The following ISM2 variants were observed in gnomAD, a reference collection of about 807,000 sequenced individuals.
The protein encoded by ISM2 is isthmin-2.
A neutral mutation model predicts 58.0 loss-of-function variants in ISM2; 50 were observed. The ratio of observed to expected loss-of-function variants is 0.86; its 90% CI spans 0.69 to 1.09. ISM2 has a LOEUF of 1.09. ISM2 is among the 50% of genes least tolerant of loss of function. ISM2 has a pLI of 0.00. For synonymous variants in ISM2, 303 were observed against 312.4 expected (o/e 0.97, Z 0.32); for missense variants, 723 against 745.0 (o/e 0.97, Z 0.34).
At chr14:77,481,435 T>C (rs1211915170) in intron 4 of ISM2, among the ~76,000 whole-genome samples, 1 of 152,174 alleles carries the variant, frequency 6.6e-6, no homozygotes, top group African/African-American at 2.4e-5. Context: ...TGTCTTTTTC[T>C]AACAAAAATA....
chr14:77,485,492 G>T (rs2079162382), intron 1 of ISM2, among the ~76,000 whole-genome samples: 2 of 152,258 alleles, frequency 1.3e-5, no homozygotes, highest in Non-Finnish European at 2.9e-5. Flanking sequence ...TGCTGGCATG[G>T]CTGACTCAGC....
intron 1 of ISM2, among the ~76,000 whole-genome samples, chr14:77,497,642 T>C (rs2079252292): frequency 6.8e-6 from 1 of 146,744 alleles, no homozygotes; most frequent in South Asian, 2.2e-4. Context: ...TACAGTGAGC[T>C]ATCATCACAC....
chr14:77,485,755 A>T (rs1348410683), intron 1 of ISM2, among the ~76,000 whole-genome samples: 1 of 152,102 alleles, frequency 6.6e-6, no homozygotes, highest in Non-Finnish European at 1.5e-5. Flanking sequence ...GGGACCTGCC[A>T]CCTGTGGACC....
At chr14:77,488,609 C>G (rs1406705875) in intron 1 of ISM2, among the ~76,000 whole-genome samples, 1 of 152,200 alleles carries the variant, frequency 6.6e-6, no homozygotes, top group African/African-American at 2.4e-5. Flanking sequence ...GTTCCTTCCT[C>G]TGTAATTTAG....
Position 77,475,504 on chromosome 14 carries a change from G to T in ISM2, c.*91C>A, listed in dbSNP as rs1594944358. On this transcript the variant is annotated 3_prime_UTR_variant, in exon 7 of 7. Coordinates refer to ENST00000342219, the MANE Select transcript of ISM2 (RefSeq NM_199296.3). This position sits in a 1 kb window ranked among gnomAD's most constrained non-coding sequence, Gnocchi z 4.1. Reference sequence around the variant, plus strand: ...ACTGGGGGAGCCCTTTCCTCACCCTGTCTGGGCAGGGGCGGGTGAGGAAAG... The same window carrying T: ...ACTGGGGGAGCCCTTTCCTCACCCTTTCTGGGCAGGGGCGGGTGAGGAAAG... The T allele has an allele frequency of 7.0e-7, 1 of 1,419,496 alleles. No homozygotes were observed. The highest frequency in any genetic ancestry group is 9.5e-7 in the Non-Finnish European group (1 of 1,054,172). 87.9% of individuals were successfully genotyped at this position (1,419,496 alleles called of 1,614,324 possible). A position where few individuals can be genotyped will look rare whatever the true frequency, so the allele number is the denominator to read the frequency against.
At chr14:77,496,087 C>T (rs1422191825) in intron 1 of ISM2, among the ~76,000 whole-genome samples, 1 of 150,110 alleles carries the variant, frequency 6.7e-6, no homozygotes, top group African/African-American at 2.5e-5. Context: ...TGGTGGCAGG[C>T]ATCTGTAATC....
rs139393604 is a variant in ISM2 at position 77,482,355 on chromosome 14, C to A, written c.940G>T (p.Gly314Trp). ...DNWDQGWLAP[G>W]DWVFKDSVSY... is the part of the protein sequence containing the mutation. The stretch of plus-strand genomic sequence containing the variant: ...ACAGAATCCTTGAAGACCCAATCCC[C>A]GGGGGCCAGCCAGCCCTGGTCCCAG... Residue 314 changes from glycine (G) to tryptophan (W), a missense_variant, in exon 4 of 7, where the codon GGG becomes TGG. Transcript: ENST00000342219. The A allele has an allele frequency of 6.2e-7, 1 of 1,613,794 alleles. No homozygotes were observed. The highest frequency in any genetic ancestry group is 1.1e-5 in the South Asian group (1 of 91,034).
intron 1 of ISM2, among the ~76,000 whole-genome samples, chr14:77,495,719 G>A (rs1303555616): frequency 1.3e-5 from 2 of 152,100 alleles, no homozygotes; most frequent in Non-Finnish European, 2.9e-5. Flanking sequence ...TGAAGCATAA[G>A]ACAACAGCCC....
At chr14:77,480,955 A>G (rs10129969) in intron 4 of ISM2, among the ~76,000 whole-genome samples, 16,917 of 152,204 alleles carry the variant, frequency 0.11, 1,167 homozygotes, top group African/African-American at 0.2. Flanking sequence ...TCCATTGACA[A>G]GACACCAGGG....
Position 77,484,661 on chromosome 14 carries a change from C to T in ISM2, c.384+16G>A, listed in dbSNP as rs1333306345. 1.9e-6 allele frequency: 3 copies of T among 1,611,506 alleles called. No individual in the cohort carries two copies. The highest frequency in any genetic ancestry group is 3.3e-5 in the Admixed American group (2 of 59,716). ...CAGGCAGAGCCAGGAGCTGCTGGCC[C>T]TTCTGTAGCTCTCACCTGGGTATCA... is the stretch of plus-strand genomic sequence containing the variant. On this transcript the variant is annotated intron_variant, in intron 2 of 6. Coordinates refer to ENST00000342219, the MANE Select transcript of ISM2 (RefSeq NM_199296.3).
chr14:77,488,510 T>C (rs73319053), intron 1 of ISM2, among the ~76,000 whole-genome samples: 9,100 of 152,244 alleles, frequency 0.06, 299 homozygotes, highest in African/African-American at 0.086. Context: ...GGAAATGAGT[T>C]CAGGCTGGAG....
intron 1 of ISM2, among the ~76,000 whole-genome samples, chr14:77,495,559 G>A (rs1010975491): frequency 3.3e-5 from 5 of 152,304 alleles, no homozygotes; most frequent in Admixed American, 6.5e-5. Flanking sequence ...ACTGGCGAGA[G>A]GCCTCATCTG....
Position 77,484,779 on chromosome 14 carries a change from G to A in ISM2, c.282C>T (p.Ala94=), listed in dbSNP as rs1481293477. ...TEPAAMTPGN[A]TPPRTPEVTP... is the part of the protein sequence containing the mutation. ...TAACCTCTGGGGTCCTGGGAGGGGT[G>A]GCGTTGCCTGGGGTCATGGCTGCTG... The change falls in exon 2 of 7, where the codon GCC becomes GCT. Residue 94 remains alanine (A), a synonymous_variant. Transcript: ENST00000342219. The A allele has an allele frequency of 1.9e-6, 3 of 1,611,054 alleles. No homozygotes were observed. The highest frequency in any genetic ancestry group is 3.4e-5 in the Admixed American group (2 of 59,602).
intron 1 of ISM2, among the ~76,000 whole-genome samples, chr14:77,490,507 G>C (rs746680175): frequency 6.6e-6 from 1 of 152,244 alleles, no homozygotes; most frequent in South Asian, 2.1e-4. Flanking sequence ...CCAAGGATCA[G>C]AGAGGTAACG....
intron 6 of ISM2, among the ~76,000 whole-genome samples, chr14:77,476,913 C>T (rs1405634333): frequency 6.6e-6 from 1 of 152,184 alleles, no homozygotes; most frequent in Non-Finnish European, 1.5e-5. Flanking sequence ...TGGCGCATGC[C>T]TGTAATCCCA....
Position 77,475,821 on chromosome 14 carries a change from T to C in ISM2, c.1490A>G (p.Asp497Gly). 6.2e-7 allele frequency: 1 copy of C among 1,612,698 alleles called. No individual in the cohort carries two copies. The highest frequency in any genetic ancestry group is 8.5e-7 in the Non-Finnish European group (1 of 1,179,786). Residue 497 changes from aspartate (D) to glycine (G), a missense_variant, in exon 7 of 7, where the codon GAC (aspartate) becomes GGC (glycine). Transcript: ENST00000342219. The surrounding 1 kb of genome is among the most constrained non-coding windows in gnomAD (Gnocchi z 4.1). The part of the protein sequence containing the change: ...LAAQHCCYDE[D>G]SRLLTRGKGA... ...CTTGCCACGGGTCAGCAGCCGGCTG[T>C]CCTCGTCATAGCAGCAGTGCTGGGC... is the stretch of plus-strand genomic sequence containing the variant.
intron 5 of ISM2, 122 bp from the exon 6 acceptor site, chr14:77,478,447 A>C: frequency 1.4e-6 from 2 of 1,431,410 alleles, no homozygotes; most frequent in Admixed American, 3.8e-5. Flanking sequence ...GCCTGGGACA[A>C]GGCAGGACCA....
At chr14:77,484,988 G>T in intron 1 of ISM2, 69 bp from the exon 2 acceptor site, 1 of 1,496,902 alleles carries the variant, frequency 6.7e-7, no homozygotes, top group Admixed American at 2.3e-5. Flanking sequence ...GAAAAGGCTG[G>T]CCAGGCAGAT....
intron 1 of ISM2, 66 bp downstream of exon 1, chr14:77,498,587 G>A (rs2139978783): frequency 1.4e-6 from 2 of 1,392,104 alleles, no homozygotes; most frequent in Non-Finnish European, 1.9e-6. Context: ...CCGCACGGCT[G>A]GAGCCGGCGG....
Sources: gnomAD v4.1 joint callset for allele counts (sites outside exome capture counted in the v4.1 genomes callset) on GRCh38, gnomAD v4.1.1 for gene constraint, Gnocchi (gnomAD v3.1) non-coding constraint, MANE v1.5 for transcripts, NCBI Gene and HGNC (gene_info 2026-07-23, HGNC 2026-07-21) for gene names.